The following MMS22L variants were observed in gnomAD, a reference collection of about 807,000 sequenced individuals.
MMS22L encodes protein MMS22-like.
MMS22L carries 74 observed loss-of-function variants against 159.1 expected under a neutral mutation model. The ratio of observed to expected loss-of-function variants is 0.47; its 90% CI spans 0.39 to 0.56. The LOEUF (loss-of-function observed/expected upper bound fraction) is 0.56. MMS22L is among the 20% of genes least tolerant of loss of function. The probability of loss-of-function intolerance (pLI) is 0.00; values close to 1 mark genes in which losing one functional copy is unlikely to be tolerated. For synonymous variants in MMS22L, 517 were observed against 506.9 expected (o/e 1.02, Z -0.27); for missense variants, 1,351 against 1,422.1 (o/e 0.95, Z 0.80).
chr6:97,235,277 T>C (rs940879567), intron 11 of MMS22L, among the ~76,000 whole-genome samples: 3 of 152,164 alleles, frequency 2.0e-5, no homozygotes, highest in Non-Finnish European at 4.4e-5. Flanking sequence ...AATAGGTCAA[T>C]GGTGCTATTT....
chr6:97,245,906 ATAC>A (rs546621048), intron 11 of MMS22L: 59 of 250,364 alleles, frequency 2.4e-4, no homozygotes, highest in Admixed American at 2.3e-3. Context: ...AAGCAATATT[ATAC>A]TACAATATTT....
rs1415372966 is a variant in MMS22L, at chr6:97,146,368, G to A, written c.*438C>T. On this transcript the variant is annotated 3_prime_UTR_variant, in exon 25 of 25. Coordinates refer to ENST00000683635, the MANE Select transcript of MMS22L (RefSeq NM_001350599.2). ...TTTCCCCCACCAAAAACACAGTATA[G>A]GGTAGCCAGGTACTTTGAAAAAGTA... The A allele has an allele frequency of 1.3e-5, 2 of 153,426 alleles. No homozygotes were observed. Among genetic ancestry groups the A allele is most frequent in the Admixed American group, 6.5e-5 (1 of 15,396 alleles). 9.5% of individuals were successfully genotyped at this position (153,426 alleles called of 1,614,324 possible). A position where few individuals can be genotyped will look rare whatever the true frequency, so the allele number is the denominator to read the frequency against.
At chr6:97,238,675 T>C (rs1432585570) in intron 11 of MMS22L, among the ~76,000 whole-genome samples, 1 of 150,200 alleles carries the variant, frequency 6.7e-6, no homozygotes, top group African/African-American at 2.5e-5. Flanking sequence ...TAAATGAATA[T>C]GCCTGCTTCT....
At chr6:97,169,398 C>T (rs1056915577) in intron 19 of MMS22L, among the ~76,000 whole-genome samples, 1 of 152,088 alleles carries the variant, frequency 6.6e-6, no homozygotes, top group Non-Finnish European at 1.5e-5. Context: ...CCAAAAAGCA[C>T]AGTGGTACAT....
chr6:97,281,436 T>G (rs1462709335), intron 2 of MMS22L, 74 bp from the exon 3 acceptor site: 1 of 1,258,574 alleles, frequency 7.9e-7, no homozygotes, highest in African/African-American at 1.5e-5. Context: ...TTCTTTACAT[T>G]ATTTGAATCC....
chr6:97,153,462 C>G (rs1801533890), intron 22 of MMS22L, among the ~76,000 whole-genome samples: 2 of 149,852 alleles, frequency 1.3e-5, no homozygotes, highest in Admixed American at 6.7e-5. Context: ...ACCTCTGCCT[C>G]CCGGGTTCAA....
At chr6:97,269,764 A>G (rs1292174664) in intron 7 of MMS22L, 138 bp downstream of exon 7, 2 of 595,050 alleles carry the variant, frequency 3.4e-6, no homozygotes, top group African/African-American at 3.8e-5. Flanking sequence ...GAAAGAAAGG[A>G]GTAAAACTTT....
rs369540045 is a variant in MMS22L at position 97,174,255 on chromosome 6, A to T, written c.2680-1033T>A. 1.5e-4 allele frequency among the ~76,000 whole-genome samples: 22 copies of T among 150,308 alleles called. No individual in the cohort carries two copies. In the East Asian group the frequency reaches 2.3e-3, roughly 16 times the overall value. ...TGACAGAGCAAGACTGTCTCAAAAA[A>T]AAAATAAAAAAAAAAAAAAAATAAA... On this transcript the variant is annotated intron_variant, in intron 18 of 24. Coordinates refer to ENST00000683635, the MANE Select transcript of MMS22L (RefSeq NM_001350599.2).
chr6:97,215,091 A>AATATATAT (rs1167446221), intron 14 of MMS22L, among the ~76,000 whole-genome samples: 15 of 141,282 alleles, frequency 1.1e-4, no homozygotes, highest in African/African-American at 3.7e-4. Context: ...TCATGTTTTA[A>AATATATAT]ATATATATAT....
intron 20 of MMS22L, among the ~76,000 whole-genome samples, 172 bp from the exon 21 acceptor site, chr6:97,165,629 A>T (rs1406495678): frequency 6.6e-6 from 1 of 152,182 alleles, no homozygotes; most frequent in African/African-American, 2.4e-5. Flanking sequence ...CAAGGAGTTA[A>T]GCCTGGGCAA....
chr6:97,162,051 T>A lies in MMS22L; in HGVS notation c.3336A>T (p.Leu1112=). 6.2e-7 allele frequency: 1 copy of A among 1,611,710 alleles called. No individual in the cohort carries two copies. Among genetic ancestry groups the A allele is most frequent in the Non-Finnish European group, 8.5e-7 (1 of 1,178,890 alleles). Residue 1112 remains leucine, a synonymous_variant, in exon 22 of 25, where the codon CTA becomes CTT. Coordinates refer to ENST00000683635, the MANE Select transcript of MMS22L (RefSeq NM_001350599.2). ...AGCATTTTAAAATGCCAGGGAGGAG[T>A]AGTTCAACTTCATAAATGTCTGTGT... ...ETNTDIYEVE[L]LLPGILKCLV...
chr6:97,273,155 T>G, intron 4 of MMS22L, 93 bp from the exon 5 acceptor site: 2 of 933,314 alleles, frequency 2.1e-6, no homozygotes, highest in Non-Finnish European at 3.3e-6. Context: ...AGCAATTCTC[T>G]ATCTTGTAAC....
At chr6:97,272,470 A>G in intron 6 of MMS22L, 1 of 422,944 alleles carries the variant, frequency 2.4e-6, no homozygotes, top group Non-Finnish European at 4.2e-6. Flanking sequence ...ATATGAATTT[A>G]TTTAATTCAT....
intron 14 of MMS22L, among the ~76,000 whole-genome samples, chr6:97,215,114 ATTT>A (rs1554266841): frequency 1.0e-4 from 9 of 87,218 alleles, no homozygotes; most frequent in African/African-American, 3.2e-4. Flanking sequence ...ATATATATAT[ATTT>A]TTTTTTTGCA....
chr6:97,263,302 A>T, intron 9 of MMS22L, 33 bp downstream of exon 9: 1 of 1,271,710 alleles, frequency 7.9e-7, no homozygotes, highest in Non-Finnish European at 1.1e-6. Flanking sequence ...AAAGGTTAGT[A>T]ACAATAACCA....
intron 16 of MMS22L, among the ~76,000 whole-genome samples, chr6:97,180,007 C>T (rs72934611): frequency 0.027 from 4,069 of 152,244 alleles, 87 homozygotes; most frequent in Middle Eastern, 0.075. Flanking sequence ...AGAGTTGTTA[C>T]TAAAAATTAC....
chr6:97,241,070 T>TC (rs35260032), intron 11 of MMS22L, among the ~76,000 whole-genome samples: 3 of 152,242 alleles, frequency 2.0e-5, no homozygotes, highest in African/African-American at 7.2e-5. Flanking sequence ...TGGTTAGTTT[T>TC]CCATTCCTGA....
chr6:97,240,563 G>A (rs12208320), intron 11 of MMS22L, among the ~76,000 whole-genome samples: 97,770 of 151,694 alleles, frequency 0.64, 33,028 homozygotes, highest in Non-Finnish European at 0.76. Context: ...AAGTTCTTTA[G>A]TGGTGATTTC....
chr6:97,193,924 CTAA>C (rs1806176644), intron 14 of MMS22L, among the ~76,000 whole-genome samples: 1 of 152,030 alleles, frequency 6.6e-6, no homozygotes, highest in East Asian at 1.9e-4. Context: ...CCACGCCCAG[CTAA>C]TGTTTTTGTA....
Sources: allele counts gnomAD v4.1 joint callset (sites outside exome capture counted in the v4.1 genomes callset), GRCh38; gene constraint gnomAD v4.1.1; transcripts MANE v1.5; gene names NCBI Gene and HGNC (gene_info 2026-07-23, HGNC 2026-07-21).